Variants in STK31 observed in about 807,000 individuals in gnomAD.
STK31 encodes the protein serine/threonine-protein kinase 31.
A neutral mutation model predicts 129.7 loss-of-function variants in STK31; 89 were observed. The observed-to-expected ratio is 0.69, with a 90% CI of 0.58 to 0.82. The LOEUF is 0.82. STK31 is among the 40% of genes least tolerant of loss of function. The pLI is 0.00. For synonymous variants in STK31, 448 were observed against 395.3 expected, an observed-to-expected ratio of 1.13 and a Z score of -1.58; for missense variants, 1,187 against 1,176.4, an observed-to-expected ratio of 1.01 and a Z score of -0.13.
intron 23 of STK31, among the ~76,000 whole-genome samples, chr7:23,829,587 TTTG>T (rs1022465478): frequency 2.1e-4 from 32 of 152,310 alleles, no homozygotes; most frequent in African/African-American, 7.2e-4. Flanking sequence ...TCTATAGTTT[TTTG>T]TTGTTGTTGT....
intron 6 of STK31, among the ~76,000 whole-genome samples, chr7:23,733,551 G>A (rs557582885): frequency 6.6e-6 from 1 of 152,092 alleles, no homozygotes; most frequent in Non-Finnish European, 1.5e-5. Context: ...TCTCACGCCT[G>A]TAATCCCAGC....
At position 23,832,358 on chromosome 7, in the gene STK31, G is replaced by T. The variant is rs774703476; in HGVS notation, c.3052G>T (p.Asp1018Tyr). The T allele has an allele frequency of 1.2e-6, 2 of 1,606,896 alleles. No individual in the cohort carries two copies. The highest frequency in any genetic ancestry group is 2.2e-5 in the South Asian group (2 of 89,328). ...EKTRNGEANFDC is the reference protein window; with the variant it reads ...EKTRNGEANFYC ...GACAAGAAATGGTGAAGCCAACTTT[G>T]ATTGTTAAATTATTATTGTTGTTGT... Residue 1018 changes from aspartate (D) to tyrosine (Y), a missense_variant, in exon 24 of 24, where the codon GAT becomes TAT. Asp to Tyr is a radical substitution (Grantham distance 160). Transcript: ENST00000355870.
chr7:23,766,952 G>C (rs930792010), intron 11 of STK31, among the ~76,000 whole-genome samples: 2 of 152,162 alleles, frequency 1.3e-5, no homozygotes, highest in Non-Finnish European at 1.5e-5. Flanking sequence ...AGGGATCCTT[G>C]ACTTAACCAT....
intron 7 of STK31, 35 bp from the exon 8 acceptor site, chr7:23,736,869 T>A: frequency 6.4e-7 from 1 of 1,562,044 alleles, no homozygotes; most frequent in Non-Finnish European, 8.7e-7. Flanking sequence ...CCTTATACAG[T>A]TTGTTTGTCA....
chr7:23,712,187 G>A, intron 2 of STK31, 42 bp downstream of exon 2: 1 of 1,613,838 alleles, frequency 6.2e-7, no homozygotes, highest in Non-Finnish European at 8.5e-7. Flanking sequence ...AGAGCTAGAT[G>A]ATACTGATTA....
At chr7:23,823,314 T>C (rs112458554) in intron 23 of STK31, among the ~76,000 whole-genome samples, 37,487 of 151,972 alleles carry the variant, frequency 0.25, 4,843 homozygotes, top group South Asian at 0.34. Flanking sequence ...TGGTATCTCA[T>C]TGTGGTTTTG....
intron 15 of STK31, among the ~76,000 whole-genome samples, chr7:23,777,910 G>C (rs548562531): frequency 2.0e-5 from 3 of 152,222 alleles, no homozygotes; most frequent in Admixed American, 1.3e-4. Flanking sequence ...CCCATTAGTT[G>C]ATGTAGTTTC....
intron 22 of STK31, among the ~76,000 whole-genome samples, chr7:23,802,676 G>T (rs1792453867): frequency 6.6e-6 from 1 of 152,122 alleles, no homozygotes; most frequent in Non-Finnish European, 1.5e-5. Context: ...ACCACACTCG[G>T]CTAATTTTTG....
chr7:23,825,984 C>G (rs1584508691), intron 23 of STK31, among the ~76,000 whole-genome samples: 1 of 152,094 alleles, frequency 6.6e-6, no homozygotes, highest in East Asian at 1.9e-4. Context: ...AATTTATGTT[C>G]TTTTACATTT....
chr7:23,752,577 A>G (rs1788778051), intron 8 of STK31, 140 bp from the exon 9 acceptor site: 3 of 655,008 alleles, frequency 4.6e-6, no homozygotes, highest in Non-Finnish European at 5.5e-6. Flanking sequence ...CTGAGCTCAA[A>G]CCATCTGTCC....
intron 4 of STK31, among the ~76,000 whole-genome samples, chr7:23,724,548 A>G (rs948747104): frequency 1.3e-5 from 2 of 152,224 alleles, no homozygotes; most frequent in Admixed American, 6.5e-5. Context: ...CTGGTTTGCA[A>G]TAAACCATTG....
chr7:23,811,278 T>A lies in STK31; in HGVS notation c.2761-3866T>A, dbSNP rs188162158. 8.8e-4 allele frequency: 341 copies of A among 386,136 alleles called. 5 individuals are homozygous for A. The East Asian group carries it at 0.017, about 19-fold the overall frequency. The allele number at this position is 386,136 out of a possible 1,614,324, so 23.9% of individuals were successfully genotyped here. On this transcript the variant is annotated intron_variant, in intron 22 of 23. Transcript: ENST00000355870. ...GTAAAGGACTGGTAGTTTTTGAAATTAGCAAGTATGTGCTTGATTTGTTCT... is the reference window on the plus strand; with the variant it reads ...GTAAAGGACTGGTAGTTTTTGAAATAAGCAAGTATGTGCTTGATTTGTTCT...
intron 21 of STK31, among the ~76,000 whole-genome samples, chr7:23,788,735 A>G (rs982926869): frequency 1.3e-5 from 2 of 152,176 alleles, no homozygotes; most frequent in Admixed American, 6.5e-5. Context: ...TATATTTATC[A>G]TATACAACAT....
chr7:23,721,611 T>A, intron 4 of STK31: 1 of 933,602 alleles, frequency 1.1e-6, no homozygotes, highest in Non-Finnish European at 1.8e-6. Context: ...TTTATGAAAT[T>A]TCTAAGTGTG....
intron 6 of STK31, among the ~76,000 whole-genome samples, chr7:23,731,739 C>G (rs1043768488): frequency 2.6e-5 from 4 of 152,112 alleles, no homozygotes; most frequent in African/African-American, 7.2e-5. Flanking sequence ...ATTACTAGTC[C>G]TACATGCCTG....
chr7:23,739,216 T>C (rs1320960711), intron 8 of STK31, among the ~76,000 whole-genome samples: 1 of 152,248 alleles, frequency 6.6e-6, no homozygotes, highest in Non-Finnish European at 1.5e-5. Context: ...TTTGCATTTC[T>C]CTAATGACCA....
intron 15 of STK31, among the ~76,000 whole-genome samples, chr7:23,780,389 A>T (rs1790847056): frequency 6.6e-6 from 1 of 152,224 alleles, no homozygotes; most frequent in African/African-American, 2.4e-5. Context: ...AAGGTTAAGG[A>T]TGCATGCCTG....
At chr7:23,719,639 T>A (rs1264106721) in intron 4 of STK31, among the ~76,000 whole-genome samples, 2 of 152,122 alleles carry the variant, frequency 1.3e-5, no homozygotes, top group Non-Finnish European at 2.9e-5. Context: ...CATCTAAGAA[T>A]AACTGTAGAA....
chr7:23,711,670 G>A (rs1031649305), intron 1 of STK31, among the ~76,000 whole-genome samples: 10 of 152,102 alleles, frequency 6.6e-5, no homozygotes, highest in Admixed American at 2.6e-4. Context: ...AGTAACCACC[G>A]TGCCTTTTAC....
Sources: allele counts gnomAD v4.1 joint callset (sites outside exome capture counted in the v4.1 genomes callset), GRCh38; gene constraint gnomAD v4.1.1; transcripts MANE v1.5; gene names NCBI Gene and HGNC (gene_info 2026-07-23, HGNC 2026-07-21).